The following SMYD3 variants were observed in gnomAD, a reference collection of about 807,000 sequenced individuals.
The protein encoded by SMYD3 is histone-lysine N-methyltransferase SMYD3.
A neutral mutation model predicts 57.7 loss-of-function variants in SMYD3; 36 were observed. The observed-to-expected ratio is 0.62, with a 90% CI of 0.48 to 0.82. The LOEUF (loss-of-function observed/expected upper bound fraction) is 0.82. SMYD3 is among the 40% of genes least tolerant of loss of function. The pLI is 0.00. For missense variants in SMYD3, 515 were observed against 538.8 expected (o/e 0.96, Z 0.44); for synonymous variants, 211 against 195.0 (o/e 1.08, Z -0.68).
intron 5 of SMYD3, among the ~76,000 whole-genome samples, chr1:246,287,985 C>A (rs2064605304): frequency 6.6e-6 from 1 of 151,928 alleles, no homozygotes; most frequent in African/African-American, 2.4e-5. Context: ...CCTGGGGCCC[C>A]CACCCCCAGA....
At chr1:245,892,838 T>C (rs999013103) in intron 8 of SMYD3, among the ~76,000 whole-genome samples, 1 of 152,198 alleles carries the variant, frequency 6.6e-6, no homozygotes, top group Non-Finnish European at 1.5e-5. Flanking sequence ...TTTTCAGCTA[T>C]GGCTTCAAAA....
At position 246,241,886 on chromosome 1, in the gene SMYD3, G is replaced by A. The variant is rs183992339; in HGVS notation, c.531+85315C>T. Among the ~76,000 whole-genome samples, 721 of 152,274 alleles carry A rather than the reference G, an allele frequency of 4.7e-3. 4 individuals are homozygous for A. The highest frequency in any genetic ancestry group is 0.02 in the Middle Eastern group (6 of 294). On this transcript the variant is annotated intron_variant, in intron 5 of 11. Coordinates refer to ENST00000490107, the MANE Select transcript of SMYD3 (RefSeq NM_001167740.2). ...TTTTCTAGTTTATTTGCATAGAGGT[G>A]TTTATAGTATTCTCTGATGGTAGTT...
intron 1 of SMYD3, among the ~76,000 whole-genome samples, chr1:246,393,338 C>A (rs887616440): frequency 5.9e-5 from 9 of 152,030 alleles, no homozygotes; most frequent in Non-Finnish European, 1.2e-4. Flanking sequence ...GTGACAGAAC[C>A]AGAGGCTGCC....
chr1:246,473,716 G>A (rs998318219), intron 1 of SMYD3, among the ~76,000 whole-genome samples: 2 of 152,150 alleles, frequency 1.3e-5, no homozygotes, highest in Non-Finnish European at 2.9e-5. Flanking sequence ...GAGAAGAGGC[G>A]GAACACATAT....
chr1:246,005,126 T>C (rs2059147010), intron 5 of SMYD3, among the ~76,000 whole-genome samples: 1 of 152,122 alleles, frequency 6.6e-6, no homozygotes. Flanking sequence ...TGGTATTATA[T>C]GCATGAGCCA....
chr1:246,270,480 CCTT>C (rs968660224), intron 5 of SMYD3, among the ~76,000 whole-genome samples: 4 of 152,182 alleles, frequency 2.6e-5, no homozygotes, highest in East Asian at 1.9e-4. Flanking sequence ...CCAGTTCCCT[CCTT>C]CTTTCTAGCC....
At chr1:246,328,082 T>A (rs982225270) in intron 4 of SMYD3, among the ~76,000 whole-genome samples, 1 of 151,998 alleles carries the variant, frequency 6.6e-6, no homozygotes, top group Non-Finnish European at 1.5e-5. Flanking sequence ...TAATCCCAGC[T>A]ACTCGGGAGG....
At chr1:246,413,914 C>T (rs2067016958) in intron 1 of SMYD3, among the ~76,000 whole-genome samples, 1 of 152,070 alleles carries the variant, frequency 6.6e-6, no homozygotes, top group African/African-American at 2.4e-5. Flanking sequence ...TTGTTTAGTC[C>T]ACAAGTGATT....
chr1:246,273,552 A>C (rs2064269288), intron 5 of SMYD3, among the ~76,000 whole-genome samples: 1 of 146,986 alleles, frequency 6.8e-6, no homozygotes, highest in Admixed American at 6.8e-5. Context: ...CTTTTCAAGA[A>C]CGCAGCTTTT....
intron 5 of SMYD3, among the ~76,000 whole-genome samples, chr1:245,980,498 G>A (rs1032996451): frequency 6.6e-6 from 1 of 152,194 alleles, no homozygotes; most frequent in African/African-American, 2.4e-5. Context: ...AAGCTAGCAT[G>A]GGAGCAGGAA....
intron 8 of SMYD3, among the ~76,000 whole-genome samples, chr1:245,894,485 C>G (rs1572615776): frequency 6.6e-6 from 1 of 152,100 alleles, no homozygotes; most frequent in African/African-American, 2.4e-5. Flanking sequence ...CTGCTGCTTA[C>G]TCTTTGGGTC....
intron 10 of SMYD3, among the ~76,000 whole-genome samples, chr1:245,805,256 A>AT (rs1322347839): frequency 6.6e-6 from 1 of 151,778 alleles, no homozygotes. Context: ...AATGTTGATA[A>AT]TATAAGAGAG....
intron 10 of SMYD3, among the ~76,000 whole-genome samples, chr1:245,833,069 A>ACAAAC (rs1460597078): frequency 3.0e-5 from 3 of 99,106 alleles, no homozygotes; most frequent in Non-Finnish European, 8.4e-5. Flanking sequence ...CAAAAAAAAA[A>ACAAAC]AAAAAACCTG....
chr1:246,408,277 T>C (rs887914562), intron 1 of SMYD3, among the ~76,000 whole-genome samples: 21 of 152,346 alleles, frequency 1.4e-4, no homozygotes, highest in African/African-American at 4.8e-4. Flanking sequence ...GGTCATTATA[T>C]TGCTATTTTG....
intron 1 of SMYD3, among the ~76,000 whole-genome samples, chr1:246,358,771 AAC>A (rs761694149): frequency 6.6e-6 from 1 of 152,204 alleles, no homozygotes; most frequent in Non-Finnish European, 1.5e-5. Context: ...ACTGAACAAT[AAC>A]AGTGACACAA....
At chr1:246,219,920 T>C (rs1010162091) in intron 5 of SMYD3, among the ~76,000 whole-genome samples, 1 of 152,102 alleles carries the variant, frequency 6.6e-6, no homozygotes, top group Non-Finnish European at 1.5e-5. Flanking sequence ...CCAGCGACCA[T>C]GTACTCCACC....
intron 7 of SMYD3, among the ~76,000 whole-genome samples, chr1:245,925,016 A>G (rs1445850018): frequency 1.3e-5 from 2 of 149,986 alleles, no homozygotes; most frequent in Non-Finnish European, 1.5e-5. Flanking sequence ...TACTCAACAA[A>G]TGTTGATTGA....
In SMYD3 at chr1:245,955,931, T is replaced by C. The variant is rs540233917; in HGVS notation, c.532-25994A>G. ...CCTAAGATTCATTTATGTTGATGCA[T>C]GTTGCTATAGTTTATAGCTGACAGA... is the stretch of plus-strand genomic sequence containing the variant. On this transcript the variant is annotated intron_variant, in intron 5 of 11. Coordinates refer to ENST00000490107, the MANE Select transcript of SMYD3 (RefSeq NM_001167740.2). 1.1e-4 allele frequency: 111 copies of C among 983,908 alleles called. 1 individual carries two copies. The South Asian group carries it at 4.0e-3, about 35-fold the overall frequency. The allele number at this position is 983,908 out of a possible 1,614,324, so 60.9% of individuals were successfully genotyped here. A position where few individuals can be genotyped will look rare whatever the true frequency, so the allele number is the denominator to read the frequency against.
intron 5 of SMYD3, among the ~76,000 whole-genome samples, chr1:245,971,703 AG>A (rs1397585263): frequency 2.0e-5 from 3 of 152,140 alleles, no homozygotes; most frequent in Non-Finnish European, 4.4e-5. Flanking sequence ...CCTGGTACAT[AG>A]CAGTCACTCA....
Sources: gnomAD v4.1 joint callset for allele counts (sites outside exome capture counted in the v4.1 genomes callset) on GRCh38, gnomAD v4.1.1 for gene constraint, MANE v1.5 for transcripts, NCBI Gene and HGNC (gene_info 2026-07-23, HGNC 2026-07-21) for gene names.